Variants in GPR158 observed in about 807,000 individuals in gnomAD.
The protein encoded by GPR158 is G protein-coupled receptor 158.
GPR158 carries 30 observed loss-of-function variants against 78.2 expected under a neutral mutation model. The observed-to-expected ratio is 0.38, with a 90% confidence interval of 0.29 to 0.52. The LOEUF (loss-of-function observed/expected upper bound fraction) is 0.52. GPR158 is among the 20% of genes least tolerant of loss of function. The pLI, the probability that GPR158 is intolerant of heterozygous loss-of-function variation, is 0.83. For missense variants in GPR158, 1,463 were observed against 1,523.5 expected (o/e 0.96, Z 0.66); for synonymous variants, 581 against 591.1 (o/e 0.98, Z 0.25).
intron 7 of GPR158, 58 bp from the exon 8 acceptor site, chr10:25,588,949 A>G (rs1837304832): frequency 8.0e-7 from 1 of 1,257,154 alleles, no homozygotes. Context: ...TGCATGCTAA[A>G]GAAGAATTTT....
At chr10:25,378,944 T>G (rs187245986) in intron 2 of GPR158, among the ~76,000 whole-genome samples, 1 of 152,140 alleles carries the variant, frequency 6.6e-6, no homozygotes, top group Non-Finnish European at 1.5e-5. Flanking sequence ...CATGTACTAC[T>G]ACACCTTGCT....
At chr10:25,350,654 C>T (rs1855446822) in intron 2 of GPR158, among the ~76,000 whole-genome samples, 1 of 151,936 alleles carries the variant, frequency 6.6e-6, no homozygotes, top group Non-Finnish European at 1.5e-5. Context: ...GGTGTATTGG[C>T]AGGGAAGCTA....
In GPR158 at chr10:25,592,333, C is replaced by T. The variant is rs141921249; in HGVS notation, c.1893-1959C>T. Among the ~76,000 whole-genome samples the T allele has an allele frequency of 1.4e-4, 21 of 151,952 alleles. No homozygotes were observed. In the East Asian group the frequency reaches 3.3e-3, roughly 24 times the overall value. On this transcript the variant is annotated intron_variant, in intron 8 of 10. Coordinates refer to ENST00000376351, the MANE Select transcript of GPR158 (RefSeq NM_020752.3). ...GATAAATAACACAGAGGCGTTTTTCCCAGCCTGTTATAATCCCTTATCCTT... is the reference window on the plus strand; with the variant it reads ...GATAAATAACACAGAGGCGTTTTTCTCAGCCTGTTATAATCCCTTATCCTT...
intron 7 of GPR158, among the ~76,000 whole-genome samples, chr10:25,578,540 A>C (rs899458779): frequency 3.9e-5 from 6 of 152,236 alleles, no homozygotes; most frequent in Non-Finnish European, 7.3e-5. Context: ...CCATTTTATG[A>C]AACTCTACCT....
intron 2 of GPR158, among the ~76,000 whole-genome samples, chr10:25,378,672 A>G (rs1834117502): frequency 6.6e-6 from 1 of 151,932 alleles, no homozygotes; most frequent in Non-Finnish European, 1.5e-5. Flanking sequence ...TATTCTATGG[A>G]TTTCAGCATG....
At chr10:25,251,358 G>GA (rs1853796191) in intron 2 of GPR158, among the ~76,000 whole-genome samples, 1 of 151,082 alleles carries the variant, frequency 6.6e-6, no homozygotes, top group African/African-American at 2.5e-5. Flanking sequence ...CTGTCATTAT[G>GA]ATGTTAGCTG....
In GPR158 at chr10:25,404,568, G is replaced by A. The variant is rs138153611; in HGVS notation, c.1112-7682G>A. Among the ~76,000 whole-genome samples, 825 of 152,140 alleles carry A rather than the reference G, an allele frequency of 5.4e-3. 11 individuals are homozygous for A. Among genetic ancestry groups the A allele is most frequent in the African/African-American group, 0.019 (798 of 41,528 alleles). On this transcript the variant is annotated intron_variant, in intron 3 of 10. Transcript: ENST00000376351. ...AGTAGATAGAATACCTGTTAACTATGATATCTCTCCTACTTGAGGAAGATA... is the reference window on the plus strand; with the variant it reads ...AGTAGATAGAATACCTGTTAACTATAATATCTCTCCTACTTGAGGAAGATA...
chr10:25,528,711 CATTGTA>C (rs1377578414), intron 5 of GPR158, among the ~76,000 whole-genome samples: 4 of 152,138 alleles, frequency 2.6e-5, no homozygotes, highest in African/African-American at 9.7e-5. Context: ...TCTGTAGAAT[CATTGTA>C]ATTGTAATCA....
intron 4 of GPR158, among the ~76,000 whole-genome samples, chr10:25,415,566 G>A (rs1834647406): frequency 6.6e-6 from 1 of 152,064 alleles, no homozygotes; most frequent in African/African-American, 2.4e-5. Context: ...AAATGGTACA[G>A]CCCTTTTGGA....
At chr10:25,292,547 A>G (rs1355605903) in intron 2 of GPR158, among the ~76,000 whole-genome samples, 1 of 152,148 alleles carries the variant, frequency 6.6e-6, no homozygotes, top group Non-Finnish European at 1.5e-5. Flanking sequence ...TTCGCTCTAT[A>G]TAGCAGAATC....
At chr10:25,508,386 TATAAG>T (rs1269163201) in intron 5 of GPR158, among the ~76,000 whole-genome samples, 2 of 152,068 alleles carry the variant, frequency 1.3e-5, no homozygotes, top group Admixed American at 6.6e-5. Flanking sequence ...TACGGGTACT[TATAAG>T]GGAAGTCAAG....
intron 6 of GPR158, among the ~76,000 whole-genome samples, chr10:25,553,747 C>T (rs560282339): frequency 2.0e-4 from 30 of 152,164 alleles, no homozygotes; most frequent in African/African-American, 2.4e-5. Flanking sequence ...GAAGGAGGGA[C>T]GTCTAAGCTT....
At chr10:25,345,266 C>G (rs1564428026) in intron 2 of GPR158, among the ~76,000 whole-genome samples, 1 of 151,984 alleles carries the variant, frequency 6.6e-6, no homozygotes, top group African/African-American at 2.4e-5. Context: ...CTAAGCCTCT[C>G]TCTGACGGAG....
rs537576479 is a variant in GPR158 at position 25,521,136 on chromosome 10, A to G, written c.1405-29840A>G. 1.7e-4 allele frequency among the ~76,000 whole-genome samples: 26 copies of G among 152,306 alleles called. No individual in the cohort carries two copies. In the East Asian group the frequency reaches 2.7e-3, roughly 16 times the overall value. ...GGGAGTGACCCGATTTTCCAGGTGC[A>G]TCCGTCACCCCTTTCTTTGACTCGG... is the stretch of plus-strand genomic sequence containing the variant. On this transcript the variant is annotated intron_variant, in intron 5 of 10. Transcript: ENST00000376351.
chr10:25,243,092 G>A (rs533007563), intron 2 of GPR158, among the ~76,000 whole-genome samples: 3 of 152,202 alleles, frequency 2.0e-5, no homozygotes, highest in East Asian at 1.9e-4. Flanking sequence ...TTGCCACCAC[G>A]GCCCTTAAGG....
intron 2 of GPR158, among the ~76,000 whole-genome samples, chr10:25,267,604 A>C (rs2130739457): frequency 6.6e-6 from 1 of 152,146 alleles, no homozygotes; most frequent in Non-Finnish European, 1.5e-5. Context: ...ATTTTTATGG[A>C]ATTATTTTGG....
chr10:25,434,118 GCCACTGCACT>G (rs1236178425), intron 4 of GPR158, among the ~76,000 whole-genome samples: 1 of 152,018 alleles, frequency 6.6e-6, no homozygotes. Context: ...GCCGAGATGC[GCCACTGCACT>G]CCAGCCTGGG....
At chr10:25,222,897 T>A (rs1853319702) in intron 2 of GPR158, among the ~76,000 whole-genome samples, 2 of 152,178 alleles carry the variant, frequency 1.3e-5, no homozygotes, top group African/African-American at 4.8e-5. Context: ...AGTTGCTGCT[T>A]GCTTCTAATA....
rs1380943659 is a variant in GPR158, at chr10:25,562,135, TTACA to T, written c.1515-10511_1515-10508del. 1.4e-4 allele frequency among the ~76,000 whole-genome samples: 22 copies of T among 152,182 alleles called. No homozygotes were observed. In the East Asian group the frequency reaches 4.3e-3, roughly 29 times the overall value. On this transcript the variant is annotated intron_variant, in intron 6 of 10. Coordinates refer to ENST00000376351, the MANE Select transcript of GPR158 (RefSeq NM_020752.3). Reference sequence around the variant, plus strand: ...AGTATTCTCTTATAATTCTTTTTATTTACATAAAGTCAGTAGAAATATCCCCACT... The same window carrying T: ...AGTATTCTCTTATAATTCTTTTTATTTAAAGTCAGTAGAAATATCCCCACT...
Sources: gnomAD v4.1 joint callset for allele counts (sites outside exome capture counted in the v4.1 genomes callset) on GRCh38, gnomAD v4.1.1 for gene constraint, MANE v1.5 for transcripts, NCBI Gene and HGNC (gene_info 2026-07-23, HGNC 2026-07-21) for gene names.